LGR5: variants seen among roughly 807,000 people sequenced by gnomAD.
LGR5 encodes the protein leucine-rich repeat-containing G protein-coupled receptor 5.
Under a neutral mutation model 76.7 loss-of-function variants are expected in LGR5, and 54 were observed. The observed-to-expected ratio is 0.70, with a 90% CI of 0.57 to 0.88. The LOEUF (loss-of-function observed/expected upper bound fraction) is 0.88. Among genes scored for constraint, LGR5 ranks in the 40% least tolerant of loss-of-function variants. The pLI is 0.00. For missense variants in LGR5, 1,078 were observed against 1,073.3 expected (o/e 1.00, Z -0.06); for synonymous variants, 406 against 421.9 (o/e 0.96, Z 0.46).
rs141197951 is a variant in LGR5 at position 71,449,275 on chromosome 12, G to A, written c.212+8983G>A. Among the ~76,000 whole-genome samples, 303 of 152,140 alleles carry A rather than the reference G, an allele frequency of 2.0e-3. 1 individual carries two copies. The highest frequency in any genetic ancestry group is 7.0e-3 in the African/African-American group (290 of 41,484). On this transcript the variant is annotated intron_variant, in intron 1 of 17. Transcript: ENST00000266674. ...TATCAACTCCAGTCACCAAAATTGG[G>A]GTCTCTGATTTTAATTTGGAAAAGC...
intron 1 of LGR5, among the ~76,000 whole-genome samples, chr12:71,473,573 A>T (rs1313922183): frequency 1.3e-5 from 2 of 151,966 alleles, no homozygotes; most frequent in East Asian, 3.8e-4. Context: ...CGGGAGTTCA[A>T]GACCAACCGG....
At chr12:71,481,915 A>G (rs1022867915) in intron 1 of LGR5, among the ~76,000 whole-genome samples, 2 of 152,186 alleles carry the variant, frequency 1.3e-5, no homozygotes, top group South Asian at 2.1e-4. Flanking sequence ...CAGACACTCA[A>G]TGACACAACA....
intron 13 of LGR5, among the ~76,000 whole-genome samples, chr12:71,573,901 A>T (rs539138505): frequency 2.0e-5 from 2 of 100,662 alleles, no homozygotes; most frequent in South Asian, 4.7e-4. Flanking sequence ...CTACTTGTGG[A>T]GTGCTTTTAC....
At chr12:71,467,813 G>A (rs1272884718) in intron 1 of LGR5, among the ~76,000 whole-genome samples, 1 of 152,022 alleles carries the variant, frequency 6.6e-6, no homozygotes, top group African/African-American at 2.4e-5. Flanking sequence ...TCTAGAGATG[G>A]GTGTATTTTA....
chr12:71,570,201 C>T (rs1020521854), intron 11 of LGR5, among the ~76,000 whole-genome samples: 5 of 152,232 alleles, frequency 3.3e-5, no homozygotes, highest in South Asian at 2.1e-4. Context: ...AAAGCTAATG[C>T]GTCCGGGGCT....
chr12:71,573,852 A>G (rs1878726440), intron 13 of LGR5, among the ~76,000 whole-genome samples: 1 of 151,460 alleles, frequency 6.6e-6, no homozygotes, highest in Admixed American at 6.6e-5. Flanking sequence ...CTTGTTCTGA[A>G]TTTCGTTGTG....
At chr12:71,458,432 C>T (rs1040817274) in intron 1 of LGR5, among the ~76,000 whole-genome samples, 1 of 152,018 alleles carries the variant, frequency 6.6e-6, no homozygotes, top group African/African-American at 2.4e-5. Context: ...AATATTCTAC[C>T]TTACATTTAA....
In LGR5 at chr12:71,467,804, C is replaced by G. The variant is rs563943024; in HGVS notation, c.212+27512C>G. Reference sequence around the variant, plus strand: ...CATTTCCATAGGAATGCTGTAAGTTCTAGAGATGGGTGTATTTTAACCTCA... The same window carrying G: ...CATTTCCATAGGAATGCTGTAAGTTGTAGAGATGGGTGTATTTTAACCTCA... On this transcript the variant is annotated intron_variant, in intron 1 of 17. Coordinates refer to ENST00000266674, the MANE Select transcript of LGR5 (RefSeq NM_003667.4). 7.2e-5 allele frequency among the ~76,000 whole-genome samples: 11 copies of G among 152,218 alleles called. 1 individual carries two copies. In the Middle Eastern group the frequency reaches 0.01, roughly 141 times the overall value.
intron 14 of LGR5, among the ~76,000 whole-genome samples, chr12:71,578,370 T>C (rs533595694): frequency 2.8e-4 from 43 of 152,236 alleles, no homozygotes; most frequent in Non-Finnish European, 4.4e-4. Flanking sequence ...ACTTCCCACC[T>C]CTTGCTCCTT....
At chr12:71,537,204 G>A (rs1876638024) in intron 4 of LGR5, among the ~76,000 whole-genome samples, 2 of 148,752 alleles carry the variant, frequency 1.3e-5, no homozygotes, top group Non-Finnish European at 3.0e-5. Context: ...AAAAAAGCAT[G>A]ATATGTTGGG....
At chr12:71,552,057 G>A (rs536544201) in intron 4 of LGR5, among the ~76,000 whole-genome samples, 1 of 151,964 alleles carries the variant, frequency 6.6e-6, no homozygotes, top group East Asian at 1.9e-4. Flanking sequence ...ACACAGAGAG[G>A]GGAACATCAT....
intron 3 of LGR5, among the ~76,000 whole-genome samples, chr12:71,527,466 CTG>C (rs1440530346): frequency 2.0e-5 from 3 of 152,202 alleles, no homozygotes; most frequent in Non-Finnish European, 4.4e-5. Context: ...GATAGGAATG[CTG>C]TGTCTTCCTA....
At chr12:71,511,419 T>G (rs1465751763) in intron 2 of LGR5, among the ~76,000 whole-genome samples, 2 of 152,182 alleles carry the variant, frequency 1.3e-5, no homozygotes, top group Non-Finnish European at 2.9e-5. Context: ...CTCAGAAAAC[T>G]GCCTTTAACA....
At chr12:71,522,411 C>A (rs1300462047) in intron 2 of LGR5, among the ~76,000 whole-genome samples, 6 of 152,120 alleles carry the variant, frequency 3.9e-5, no homozygotes, top group African/African-American at 1.4e-4. Context: ...TTGCCCTGGT[C>A]AAATATTATG....
intron 2 of LGR5, among the ~76,000 whole-genome samples, chr12:71,520,617 A>G (rs1413371063): frequency 2.0e-5 from 3 of 152,066 alleles, no homozygotes; most frequent in Admixed American, 6.6e-5. Flanking sequence ...TAACACAAGA[A>G]GAGAAAATCA....
Position 71,439,977 on chromosome 12 carries a change from G to A in LGR5, c.-104G>A. 2 of 1,047,768 alleles carry A rather than the reference G, an allele frequency of 1.9e-6. No homozygotes were observed. The highest frequency in any genetic ancestry group is 1.4e-6 in the Non-Finnish European group (1 of 722,944). The allele number at this position is 1,047,768 out of a possible 1,614,324, so 64.9% of individuals were successfully genotyped here. On this transcript the variant is annotated 5_prime_UTR_variant, in exon 1 of 18. Transcript: ENST00000266674. ...GCGTCTGGCGCTGCAGACGCCCGCT[G>A]AGTTGCAGAAGCCCACGGAGCGGCG... is the stretch of plus-strand genomic sequence containing the variant.
intron 2 of LGR5, among the ~76,000 whole-genome samples, chr12:71,511,456 G>C (rs1482726821): frequency 6.6e-6 from 1 of 152,130 alleles, no homozygotes; most frequent in Non-Finnish European, 1.5e-5. Flanking sequence ...CTGATGCATG[G>C]TAAAGCTTGA....
chr12:71,564,671 T>C (rs530764933), intron 8 of LGR5, among the ~76,000 whole-genome samples: 8 of 104,082 alleles, frequency 7.7e-5, no homozygotes, highest in African/African-American at 2.5e-4. Context: ...GTACACACAC[T>C]GTATATATAC....
At chr12:71,508,762 A>AG (rs1874996005) in intron 2 of LGR5, among the ~76,000 whole-genome samples, 1 of 151,028 alleles carries the variant, frequency 6.6e-6, no homozygotes, top group South Asian at 2.1e-4. Flanking sequence ...CAAAAAAAAA[A>AG]AAAAAAAAAA....
Sources: gnomAD v4.1 joint callset for allele counts (sites outside exome capture counted in the v4.1 genomes callset) on GRCh38, gnomAD v4.1.1 for gene constraint, MANE v1.5 for transcripts, NCBI Gene and HGNC (gene_info 2026-07-23, HGNC 2026-07-21) for gene names.